Variants in NEBL observed in about 807,000 individuals in gnomAD.
NEBL encodes the protein nebulette.
In NEBL, 122 loss-of-function variants were observed where a neutral mutation model predicts 140.2. The observed-to-expected ratio is 0.87, with a 90% CI of 0.75 to 1.01. The LOEUF (loss-of-function observed/expected upper bound fraction) is 1.01, where lower values mean the gene tolerates loss of function less well. Among genes scored for constraint, NEBL ranks in the 50% least tolerant of loss-of-function variants. NEBL has a pLI of 0.00. For synonymous variants in NEBL, 436 were observed against 398.9 expected (o/e 1.09, Z -1.11); for missense variants, 1,365 against 1,231.3 (o/e 1.11, Z -1.62).
Position 21,100,006 on chromosome 10 carries a change from C to G in NEBL, c.164+72377G>C, listed in dbSNP as rs1350818690. Among the ~76,000 whole-genome samples, 6 of 152,252 alleles carry G rather than the reference C, an allele frequency of 3.9e-5. No homozygotes were observed. In the South Asian group the frequency reaches 8.3e-4, roughly 21 times the overall value. ...TAAAAACAAGAAGTCCTCCTCAATC[C>G]TTTCTATTTCCCTTAAAAACACGCC... On this transcript the variant is annotated intron_variant, in intron 2 of 6. Coordinates refer to the NEBL transcript ENST00000417816.
At chr10:21,226,137 G>A (rs180785261) in intron 3 of NEBL, among the ~76,000 whole-genome samples, 2 of 152,036 alleles carry the variant, frequency 1.3e-5, no homozygotes, top group Admixed American at 6.6e-5. Context: ...TCTCTTTAAG[G>A]CAGCAGGTTC....
chr10:21,212,106 CTA>C (rs1303883861), intron 3 of NEBL, among the ~76,000 whole-genome samples: 31 of 151,348 alleles, frequency 2.0e-4, no homozygotes, highest in Admixed American at 4.0e-4. Flanking sequence ...ATAATATATA[CTA>C]TGTTAGATAC....
At chr10:20,948,056 C>G (rs559824363) in intron 4 of NEBL, among the ~76,000 whole-genome samples, 2 of 152,204 alleles carry the variant, frequency 1.3e-5, no homozygotes, top group Non-Finnish European at 2.9e-5. Context: ...TCAAAGCTGT[C>G]CTGGGTCGCA....
intron 2 of NEBL, among the ~76,000 whole-genome samples, chr10:21,083,450 G>T (rs371102262): frequency 2.0e-4 from 31 of 152,264 alleles, no homozygotes; most frequent in African/African-American, 7.5e-4. Context: ...AAAAGAGCCC[G>T]TCTGAGTTCT....
intron 1 of NEBL, among the ~76,000 whole-genome samples, chr10:21,289,063 G>A (rs1014227936): frequency 1.3e-5 from 2 of 151,182 alleles, no homozygotes; most frequent in African/African-American, 4.9e-5. Flanking sequence ...TGGCCAGGCT[G>A]GTCTTGAACT....
intron 4 of NEBL, among the ~76,000 whole-genome samples, chr10:20,953,657 T>C (rs1334538205): frequency 2.6e-5 from 4 of 151,988 alleles, no homozygotes; most frequent in Admixed American, 2.6e-4. Context: ...CTACAATCCT[T>C]TGATAAAACT....
At chr10:21,187,367 C>T (rs1841492582) in intron 3 of NEBL, among the ~76,000 whole-genome samples, 2 of 152,062 alleles carry the variant, frequency 1.3e-5, no homozygotes, top group African/African-American at 2.4e-5. Flanking sequence ...TTGGGGGAAG[C>T]CTGAAATTGG....
chr10:20,847,994 A>AT lies in NEBL; in HGVS notation c.1116+2400dup, dbSNP rs376309590. Among the ~76,000 whole-genome samples, 350 of 152,156 alleles carry AT rather than the reference A, an allele frequency of 2.3e-3. 1 individual carries two copies. Among genetic ancestry groups the AT allele is most frequent in the African/African-American group, 8.0e-3 (331 of 41,542 alleles). On this transcript the variant is annotated intron_variant, in intron 11 of 27. Transcript: ENST00000377122. ...AATGAGTGCTGGCAGCAAACTGCAC[A>AT]TTTTTTTTCTAAATGGGAAATGGGT...
intron 21 of NEBL, 94 bp downstream of exon 21, chr10:20,817,506 C>T (rs1838844277): frequency 2.8e-6 from 3 of 1,078,094 alleles, no homozygotes; most frequent in East Asian, 4.8e-5. Flanking sequence ...GACATCAGCT[C>T]AAGGTTATGA....
intron 3 of NEBL, among the ~76,000 whole-genome samples, chr10:21,232,691 T>G (rs1842282246): frequency 6.6e-6 from 1 of 152,300 alleles, no homozygotes; most frequent in South Asian, 2.1e-4. Context: ...ACGTGGTAAT[T>G]CAAGTGATGG....
rs770568867 is a variant in NEBL, at chr10:20,835,545, G to A, written c.1417C>T (p.His473Tyr). The stretch of plus-strand genomic sequence containing the variant: ...GCTATCTCTGCAGCCTTCTTGGCAT[G>A]CTGCATTTCAAGGGTGTCAGTGCCA... ...QAGTDTLEMQHAKKAAEIASE... is the reference protein window; with the variant it reads ...QAGTDTLEMQYAKKAAEIASE... The change falls in exon 14 of 28, where the codon CAT (histidine) becomes TAT (tyrosine). Residue 473 changes from histidine to tyrosine, a missense_variant. Physicochemically the swap from His to Tyr is moderately conservative, Grantham distance 83. Transcript: ENST00000377122. The A allele has an allele frequency of 1.9e-6, 3 of 1,612,438 alleles. No individual in the cohort carries two copies. The highest frequency in any genetic ancestry group is 2.5e-6 in the Non-Finnish European group (3 of 1,179,732).
intron 1 of NEBL, among the ~76,000 whole-genome samples, chr10:21,261,674 A>G (rs1446418452): frequency 6.6e-6 from 1 of 152,082 alleles, no homozygotes; most frequent in Non-Finnish European, 1.5e-5. Context: ...AAGAAAGAAA[A>G]GAAAAAAGTG....
At chr10:21,184,359 A>G (rs543641568) in intron 3 of NEBL, among the ~76,000 whole-genome samples, 1 of 152,340 alleles carries the variant, frequency 6.6e-6, no homozygotes, top group South Asian at 2.1e-4. Context: ...GATTTCACTG[A>G]AAGATCTGGA....
intron 2 of NEBL, among the ~76,000 whole-genome samples, chr10:21,067,785 T>A (rs1407774981): frequency 6.6e-6 from 1 of 152,036 alleles, no homozygotes; most frequent in African/African-American, 2.4e-5. Context: ...AAGACCAGCC[T>A]GGGCAACATA....
intron 2 of NEBL, among the ~76,000 whole-genome samples, chr10:21,123,046 A>G (rs116208556): frequency 0.016 from 2,368 of 152,260 alleles, 68 homozygotes; most frequent in African/African-American, 0.051. Flanking sequence ...GAAATATCTC[A>G]TATCAGTGGG....
At chr10:21,193,298 C>A (rs947636637) in intron 3 of NEBL, among the ~76,000 whole-genome samples, 3 of 152,166 alleles carry the variant, frequency 2.0e-5, no homozygotes, top group East Asian at 3.8e-4. Flanking sequence ...CAGCTAGTAG[C>A]TGGAACTGGA....
chr10:20,937,458 G>A (rs1281584974), intron 4 of NEBL, among the ~76,000 whole-genome samples: 1 of 152,258 alleles, frequency 6.6e-6, no homozygotes, highest in African/African-American at 2.4e-5. Context: ...GAGCCAGGGG[G>A]TGGAGACAAG....
chr10:20,913,986 G>A (rs1276409997), intron 4 of NEBL, among the ~76,000 whole-genome samples: 1 of 152,138 alleles, frequency 6.6e-6, no homozygotes, highest in Non-Finnish European at 1.5e-5. Context: ...TAGAGCTATA[G>A]CAGACATGTC....
intron 26 of NEBL, among the ~76,000 whole-genome samples, chr10:20,794,751 C>G (rs545604825): frequency 1.3e-5 from 2 of 152,280 alleles, no homozygotes; most frequent in Non-Finnish European, 2.9e-5. Context: ...AAGTAAAATG[C>G]TTACAACCCC....
Sources: gnomAD v4.1 joint callset for allele counts (sites outside exome capture counted in the v4.1 genomes callset) on GRCh38, gnomAD v4.1.1 for gene constraint, MANE v1.5 for transcripts, NCBI Gene and HGNC (gene_info 2026-07-23, HGNC 2026-07-21) for gene names.